The following CHD9 variants were observed in gnomAD, a reference collection of about 807,000 sequenced individuals.
CHD9 encodes chromodomain helicase DNA binding protein 9.
CHD9 carries 77 observed loss-of-function variants against 316.1 expected under a neutral mutation model. The observed-to-expected ratio is 0.24, with a 90% CI of 0.20 to 0.29. The LOEUF is 0.29. CHD9 is among the 10% of genes least tolerant of loss of function. CHD9 has a pLI of 1.00. For synonymous variants in CHD9, 1,129 were observed against 1,158.3 expected (o/e 0.97, Z 0.51); for missense variants, 2,763 against 3,438.1 (o/e 0.80, Z 4.91).
chr16:53,316,985 G>C (rs950445758), intron 36 of CHD9, among the ~76,000 whole-genome samples: 3 of 152,008 alleles, frequency 2.0e-5, no homozygotes, highest in Admixed American at 6.6e-5. Flanking sequence ...GATCACCTGA[G>C]GTCAGGAGTT....
intron 1 of CHD9, among the ~76,000 whole-genome samples, chr16:53,116,298 G>A (rs1425759341): frequency 6.6e-6 from 1 of 152,168 alleles, no homozygotes; most frequent in Non-Finnish European, 1.5e-5. Context: ...AACCTAAAGT[G>A]ATCTCCCCAC....
At chr16:53,153,692 A>AT (rs920894334) in intron 1 of CHD9, among the ~76,000 whole-genome samples, 32 of 149,794 alleles carry the variant, frequency 2.1e-4, no homozygotes, top group Admixed American at 3.3e-4. Flanking sequence ...TGCCTGGCTA[A>AT]TTTTTTTTTT....
intron 1 of CHD9, among the ~76,000 whole-genome samples, chr16:53,070,203 C>A (rs2033890582): frequency 6.6e-6 from 1 of 151,310 alleles, no homozygotes; most frequent in African/African-American, 2.4e-5. Flanking sequence ...CTGTGGATTG[C>A]CTTTTTAGTC....
At chr16:53,134,619 G>A (rs62047988) in intron 1 of CHD9, among the ~76,000 whole-genome samples, 41,924 of 151,932 alleles carry the variant, frequency 0.28, 6,049 homozygotes, top group Middle Eastern at 0.36. Context: ...CACTTATTTG[G>A]CATACCATGT....
intron 26 of CHD9, among the ~76,000 whole-genome samples, chr16:53,287,342 A>G (rs576274276): frequency 3.3e-5 from 5 of 152,328 alleles, no homozygotes; most frequent in East Asian, 3.9e-4. Context: ...CGAAAGGCCA[A>G]CTGTACCTGT....
intron 3 of CHD9, among the ~76,000 whole-genome samples, chr16:53,217,967 T>TTTC: frequency 6.6e-6 from 1 of 150,600 alleles, no homozygotes; most frequent in African/African-American, 2.4e-5. Flanking sequence ...TTTTTTTTTT[T>TTTC]AATTCAGAAT....
intron 1 of CHD9, 99 bp from the exon 2 acceptor site, chr16:53,155,827 G>A: frequency 2.5e-6 from 1 of 397,444 alleles, no homozygotes; most frequent in South Asian, 3.8e-5. Context: ...TTTTGTGACT[G>A]ACCTCTTTCA....
chr16:53,317,163 C>CAAAA (rs537619212), intron 36 of CHD9, among the ~76,000 whole-genome samples: 19 of 81,738 alleles, frequency 2.3e-4, no homozygotes, highest in African/African-American at 2.9e-4. Context: ...AACTCCATCT[C>CAAAA]AAAAAAAAAA....
chr16:53,239,552 A>C (rs1485489227), intron 12 of CHD9, among the ~76,000 whole-genome samples: 1 of 152,174 alleles, frequency 6.6e-6, no homozygotes, highest in Non-Finnish European at 1.5e-5. Context: ...TTTTAAATGG[A>C]AAAGGTTTAT....
chr16:53,278,637 A>T (rs1434781847), intron 24 of CHD9, among the ~76,000 whole-genome samples: 1 of 152,216 alleles, frequency 6.6e-6, no homozygotes, highest in Admixed American at 6.5e-5. Flanking sequence ...AATATCCAGA[A>T]TCTACAATGA....
At chr16:53,073,136 T>C (rs2034247472) in intron 1 of CHD9, among the ~76,000 whole-genome samples, 1 of 152,226 alleles carries the variant, frequency 6.6e-6, no homozygotes, top group African/African-American at 2.4e-5. Context: ...ACTAACTTTC[T>C]ATTTTCGCCT....
intron 1 of CHD9, among the ~76,000 whole-genome samples, chr16:53,084,472 C>T (rs373226857): frequency 4.6e-5 from 7 of 152,052 alleles, no homozygotes; most frequent in East Asian, 1.9e-4. Context: ...TGGCAGGGTG[C>T]GGTGGCTCAT....
Position 53,254,542 on chromosome 16 carries a change from G to C in CHD9, c.3966G>C (p.Leu1322Phe), listed in dbSNP as rs187259321. The C allele has an allele frequency of 3.7e-6, 6 of 1,613,156 alleles. No homozygotes were observed. The Admixed American group carries it at 5.0e-5, about 13-fold the overall frequency. Residue 1322 changes from leucine to phenylalanine, a missense_variant, in exon 18 of 39, where the codon TTG becomes TTC. By Grantham distance (22) the Leu-to-Phe change is conservative (BLOSUM62 0). Transcript: ENST00000447540. Reference protein sequence around the residue: ...YEREMFDRASLKLGLDKAVLQ... With the variant: ...YEREMFDRASFKLGLDKAVLQ... ...GAGAGATGTTTGACCGAGCCAGTTT[G>C]AAACTGGGCCTAGATAAAGCTGTGT...
chr16:53,204,495 G>T (rs1267602204), intron 2 of CHD9, among the ~76,000 whole-genome samples: 2 of 152,250 alleles, frequency 1.3e-5, no homozygotes, highest in African/African-American at 2.4e-5. Context: ...TTTATTAGAG[G>T]CATGAAGTGC....
chr16:53,273,626 G>A lies in CHD9; in HGVS notation c.4718G>A (p.Gly1573Asp). Reference protein sequence around the residue: ...GQTRELQNHLGLSAPVPRGRK... With the variant: ...GQTRELQNHLDLSAPVPRGRK... The stretch of plus-strand genomic sequence containing the variant: ...AATTTATATGTCCTTATTTTAACAG[G>A]CCTATCAGCTCCTGTACCCAGGGGT... Residue 1573 changes from glycine (G) to aspartate (D), a missense_variant and splice_region_variant, in exon 23 of 39, where the codon GGC (glycine) becomes GAC (aspartate). Physicochemically the swap from Gly to Asp is moderately conservative, Grantham distance 94. Transcript: ENST00000447540. The A allele has an allele frequency of 6.3e-7, 1 of 1,588,946 alleles. No homozygotes were observed. Among genetic ancestry groups the A allele is most frequent in the Non-Finnish European group, 8.6e-7 (1 of 1,168,348 alleles).
chr16:53,175,764 G>A (rs995934392), intron 2 of CHD9, among the ~76,000 whole-genome samples: 2 of 152,112 alleles, frequency 1.3e-5, no homozygotes, highest in African/African-American at 4.8e-5. Flanking sequence ...CTGCTTTTGA[G>A]CAATTATACT....
chr16:53,125,058 T>C lies in CHD9; in HGVS notation c.-164-30868T>C, dbSNP rs371623846. On this transcript the variant is annotated intron_variant, in intron 1 of 38. Coordinates refer to ENST00000447540, the MANE Select transcript of CHD9 (RefSeq NM_001308319.2). ...TTTTCATGTGCATATTGGCTATTTG[T>C]AGATCTTCTTTGAAGAAATGTCTAC... is the stretch of plus-strand genomic sequence containing the variant. Among the ~76,000 whole-genome samples the C allele has an allele frequency of 4.6e-5, 7 of 152,336 alleles. No homozygotes were observed. The East Asian group carries it at 1.2e-3, about 25-fold the overall frequency.
chr16:53,055,494 G>GCCCC lies in CHD9; in HGVS notation c.-165+423_-165+426dup, dbSNP rs3884211. ...ATACCGATGCCCTAGTTCCACCCCC[G>GCCCC]CCCCCCCCCAGAGACTCAGATGTGA... On this transcript the variant is annotated intron_variant, in intron 1 of 38. Transcript: ENST00000447540. 8.9e-3 allele frequency among the ~76,000 whole-genome samples: 1,293 copies of GCCCC among 145,634 alleles called. 18 individuals are homozygous for GCCCC. Among genetic ancestry groups the GCCCC allele is most frequent in the Admixed American group, 0.012 (176 of 14,466 alleles).
Position 53,156,682 on chromosome 16 carries a change from A to C in CHD9, c.593A>C (p.Asn198Thr). The C allele has an allele frequency of 6.2e-7, 1 of 1,613,994 alleles. No homozygotes were observed. Among genetic ancestry groups the C allele is most frequent in the South Asian group, 1.1e-5 (1 of 91,076 alleles). The change falls in exon 2 of 39, where the codon AAT becomes ACT. Residue 198 changes from asparagine (N) to threonine (T), a missense_variant. Coordinates refer to ENST00000447540, the MANE Select transcript of CHD9 (RefSeq NM_001308319.2). Reference sequence around the variant, plus strand: ...CAGAATTCTCTTAGCCAGTCTAAAAATTTTATGAATGTTTCTGGTCCACAT... The same window carrying C: ...CAGAATTCTCTTAGCCAGTCTAAAACTTTTATGAATGTTTCTGGTCCACAT... ...PGQNSLSQSK[N>T]FMNVSGPHRV...
Sources: allele counts gnomAD v4.1 joint callset (sites outside exome capture counted in the v4.1 genomes callset), GRCh38; gene constraint gnomAD v4.1.1; transcripts MANE v1.5; gene names NCBI Gene and HGNC (gene_info 2026-07-23, HGNC 2026-07-21).